The following GABPB2 variants were observed in gnomAD, a reference collection of about 807,000 sequenced individuals.
The protein encoded by GABPB2 is GA binding protein transcription factor subunit beta 2.
GABPB2 carries 23 observed loss-of-function variants against 39.1 expected under a neutral mutation model. That is an observed-to-expected ratio of 0.59 (90% CI 0.42 to 0.83). GABPB2 has a LOEUF of 0.83. GABPB2 is among the 40% of genes least tolerant of loss of function. The probability of loss-of-function intolerance (pLI) is 0.00; values close to 1 mark genes in which losing one functional copy is unlikely to be tolerated. For synonymous variants in GABPB2, 184 were observed against 199.3 expected, an observed-to-expected ratio of 0.92 and a Z score of 0.65; for missense variants, 467 against 541.1, an observed-to-expected ratio of 0.86 and a Z score of 1.36.
At position 151,093,325 on chromosome 1, in the gene GABPB2, A is replaced by G. The variant is rs753211699; in HGVS notation, c.410A>G (p.Asp137Gly). 12 of 1,612,100 alleles carry G rather than the reference A, an allele frequency of 7.4e-6. No individual in the cohort carries two copies. The highest frequency in any genetic ancestry group is 2.2e-5 in the South Asian group (2 of 90,546). The change falls in exon 4 of 9, where the codon GAT becomes GGT. Residue 137 changes from aspartate (D) to glycine (G), a missense_variant. Physicochemically the swap from Asp to Gly is moderately conservative, Grantham distance 94. Coordinates refer to ENST00000368918, the MANE Select transcript of GABPB2 (RefSeq NM_144618.3). Reference sequence around the variant, plus strand: ...GATGTCCATGCTTTCAGCAAATTTGATAAATCAGCCTTTGACATAGCTCTG... The same window carrying G: ...GATGTCCATGCTTTCAGCAAATTTGGTAAATCAGCCTTTGACATAGCTCTG... ...GADVHAFSKF[D>G]KSAFDIALEK...
At chr1:151,098,256 G>A (rs1679253737) in intron 5 of GABPB2, among the ~76,000 whole-genome samples, 2 of 152,150 alleles carry the variant, frequency 1.3e-5, no homozygotes, top group South Asian at 2.1e-4. Flanking sequence ...GCTCATATCT[G>A]TAATCCCAAT....
chr1:151,089,155 T>A (rs1176908386), intron 2 of GABPB2, among the ~76,000 whole-genome samples: 1 of 152,168 alleles, frequency 6.6e-6, no homozygotes, highest in African/African-American at 2.4e-5. Flanking sequence ...ACAGATTTTG[T>A]ACACATTGCC....
At chr1:151,101,872 T>C (rs945452780) in intron 5 of GABPB2, among the ~76,000 whole-genome samples, 4 of 152,286 alleles carry the variant, frequency 2.6e-5, no homozygotes, top group South Asian at 2.1e-4. Context: ...ATACTTTTTT[T>C]CCCCAACAAG....
At chr1:151,078,000 G>A (rs1288750836) in intron 1 of GABPB2, among the ~76,000 whole-genome samples, 1 of 151,616 alleles carries the variant, frequency 6.6e-6, no homozygotes, top group Non-Finnish European at 1.5e-5. Context: ...GCCGGGCACG[G>A]TGGCTCACGC....
At chr1:151,114,575 A>G (rs1347994810) in intron 7 of GABPB2, among the ~76,000 whole-genome samples, 1 of 151,964 alleles carries the variant, frequency 6.6e-6, no homozygotes, top group African/African-American at 2.4e-5. Flanking sequence ...GCATATGCCT[A>G]TAGTCCCAGA....
Position 151,121,376 on chromosome 1 carries a change from A to T in GABPB2, c.*3120A>T, listed in dbSNP as rs1681177656. Reference sequence around the variant, plus strand: ...TTGTCTTCTTCCTTTCTCTCCCACTATGCCTACACTTCCTCTGCCCAGACA... The same window carrying T: ...TTGTCTTCTTCCTTTCTCTCCCACTTTGCCTACACTTCCTCTGCCCAGACA... On this transcript the variant is annotated 3_prime_UTR_variant, in exon 9 of 9. Transcript: ENST00000368918. 1 of 151,980 alleles carries T rather than the reference A, an allele frequency of 6.6e-6. No homozygotes were observed. The highest frequency in any genetic ancestry group is 2.4e-5 in the African/African-American group (1 of 41,388). The allele number at this position is 151,980 out of a possible 1,614,324, so 9.4% of individuals were successfully genotyped here. A position where few individuals can be genotyped will look rare whatever the true frequency, so the allele number is the denominator to read the frequency against.
At chr1:151,081,067 G>A (rs1477023367) in intron 1 of GABPB2, among the ~76,000 whole-genome samples, 1 of 150,060 alleles carries the variant, frequency 6.7e-6, no homozygotes, top group Non-Finnish European at 1.5e-5. Flanking sequence ...TAGTGACGGG[G>A]TTTCACCATG....
chr1:151,090,880 C>G (rs752850756), intron 3 of GABPB2, among the ~76,000 whole-genome samples: 50 of 151,590 alleles, frequency 3.3e-4, no homozygotes, highest in Non-Finnish European at 5.0e-4. Context: ...CGACTGTAAT[C>G]GCAGCTACTC....
At position 151,070,792 on chromosome 1, in the gene GABPB2, G is replaced by A. The variant is rs1033698215; in HGVS notation, c.-143G>A. 6.6e-6 allele frequency: 1 copy of A among 152,140 alleles called. No homozygotes were observed. Among genetic ancestry groups the A allele is most frequent in the Non-Finnish European group, 1.5e-5 (1 of 68,022 alleles). The allele number at this position is 152,140 out of a possible 1,614,324, so 9.4% of individuals were successfully genotyped here. A position where few individuals can be genotyped will look rare whatever the true frequency, so the allele number is the denominator to read the frequency against. ...TTGTTGCCTCTGTTTCTCCACGAGG[G>A]GGGGTTAAAGGCCCCCAAAACATGC... On this transcript the variant is annotated 5_prime_UTR_variant, in exon 1 of 9. Coordinates refer to ENST00000368918, the MANE Select transcript of GABPB2 (RefSeq NM_144618.3).
intron 5 of GABPB2, among the ~76,000 whole-genome samples, chr1:151,101,611 G>T (rs1291866031): frequency 6.6e-6 from 1 of 151,776 alleles, no homozygotes; most frequent in Non-Finnish European, 1.5e-5. Flanking sequence ...AAGAATACAG[G>T]AATAGCCAAT....
chr1:151,102,253 G>A (rs949973174), intron 5 of GABPB2, among the ~76,000 whole-genome samples: 3 of 152,072 alleles, frequency 2.0e-5, no homozygotes, highest in Non-Finnish European at 4.4e-5. Context: ...TCCGGGAGGC[G>A]GAGGTTGCAA....
chr1:151,088,366 T>C, intron 2 of GABPB2, 69 bp downstream of exon 2: 1 of 1,382,700 alleles, frequency 7.2e-7, no homozygotes, highest in Non-Finnish European at 1.0e-6. Flanking sequence ...TCTTAAAGGC[T>C]AACAGACTAT....
intron 5 of GABPB2, among the ~76,000 whole-genome samples, chr1:151,101,859 G>A (rs986878536): frequency 6.6e-6 from 1 of 152,120 alleles, no homozygotes; most frequent in African/African-American, 2.4e-5. Context: ...AAACTGTTGA[G>A]TAATACTTTT....
At chr1:151,099,485 C>T (rs1406317650) in intron 5 of GABPB2, among the ~76,000 whole-genome samples, 2 of 152,148 alleles carry the variant, frequency 1.3e-5, no homozygotes, top group African/African-American at 2.4e-5. Flanking sequence ...CATGAGCCAC[C>T]GCACCTGGCC....
At chr1:151,116,321 C>G (rs1680855106) in intron 7 of GABPB2, among the ~76,000 whole-genome samples, 1 of 146,846 alleles carries the variant, frequency 6.8e-6, no homozygotes, top group Non-Finnish European at 1.5e-5. Flanking sequence ...ACCTGGGAAG[C>G]GGAGGTTGCA....
rs1488916302 is a variant in GABPB2 at position 151,123,989 on chromosome 1, T to G, written c.*5733T>G. 1 of 134,474 alleles carries G rather than the reference T, an allele frequency of 7.4e-6. No individual in the cohort carries two copies. Among genetic ancestry groups the G allele is most frequent in the Admixed American group, 8.6e-5 (1 of 11,570 alleles). The allele number at this position is 134,474 out of a possible 1,614,324, so 8.3% of individuals were successfully genotyped here. A position where few individuals can be genotyped will look rare whatever the true frequency, so the allele number is the denominator to read the frequency against. On this transcript the variant is annotated 3_prime_UTR_variant, in exon 9 of 9. Transcript: ENST00000368918. ...TGAGGCCAGGCCAGCGTGGTGAAAC[T>G]CAGTCTCTACTAAAAATACAAAAAT...
intron 7 of GABPB2, among the ~76,000 whole-genome samples, chr1:151,110,140 G>A (rs931351773): frequency 6.0e-5 from 9 of 149,726 alleles, no homozygotes; most frequent in African/African-American, 1.5e-4. Context: ...GGGATTACAG[G>A]TGTGAGTCAC....
intron 1 of GABPB2, among the ~76,000 whole-genome samples, chr1:151,076,986 G>T (rs1054859219): frequency 6.6e-6 from 1 of 151,264 alleles, no homozygotes; most frequent in Non-Finnish European, 1.5e-5. Context: ...GTAGAGACGG[G>T]GTTTCACTGT....
chr1:151,094,350 T>C (rs1678944292), intron 4 of GABPB2, among the ~76,000 whole-genome samples: 1 of 147,760 alleles, frequency 6.8e-6, no homozygotes, highest in African/African-American at 2.5e-5. Context: ...CTGTGCCGGC[T>C]GTGTCCCATT....
Sources: allele counts gnomAD v4.1 joint callset (sites outside exome capture counted in the v4.1 genomes callset), GRCh38; gene constraint gnomAD v4.1.1; transcripts MANE v1.5; gene names NCBI Gene and HGNC (gene_info 2026-07-23, HGNC 2026-07-21).